DNAH5: variants seen among roughly 807,000 people sequenced by gnomAD.
DNAH5 encodes dynein axonemal heavy chain 5, also known as axonemal beta dynein heavy chain 5.
A neutral mutation model predicts 518.2 loss-of-function variants in DNAH5; 372 were observed. That is an observed-to-expected ratio of 0.72 (90% CI 0.66 to 0.78). The LOEUF (loss-of-function observed/expected upper bound fraction) is 0.78, where lower values mean the gene tolerates loss of function less well. Ranked by LOEUF, DNAH5 falls within the 30% of genes least tolerant of loss-of-function variation. DNAH5 has a pLI of 0.00. For missense variants in DNAH5, 5,523 were observed against 5,687.0 expected, an observed-to-expected ratio of 0.97 and a Z score of 0.93; for synonymous variants, 2,039 against 2,025.9, an observed-to-expected ratio of 1.01 and a Z score of -0.17.
chr5:13,766,744 A>G (rs1215219940), intron 58 of DNAH5, among the ~76,000 whole-genome samples: 1 of 152,252 alleles, frequency 6.6e-6, no homozygotes, highest in Non-Finnish European at 1.5e-5. Context: ...CTCTCTTAGA[A>G]AAGTTCCATT....
chr5:13,803,177 T>A (rs1352629329), intron 47 of DNAH5, among the ~76,000 whole-genome samples: 1 of 152,282 alleles, frequency 6.6e-6, no homozygotes, highest in East Asian at 1.9e-4. Context: ...ATATAAAATA[T>A]AATTAATTTT....
intron 15 of DNAH5, chr5:13,898,412 A>C (rs1405639401): frequency 5.0e-6 from 2 of 397,214 alleles, no homozygotes; most frequent in African/African-American, 2.1e-5. Context: ...GAGTTTCCTA[A>C]TGTGAAAGAG....
chr5:13,991,267 A>G (rs1783520577), intron 1 of DNAH5, among the ~76,000 whole-genome samples: 1 of 152,224 alleles, frequency 6.6e-6, no homozygotes, highest in South Asian at 2.1e-4. Flanking sequence ...CTCCTTCAAG[A>G]CCAGAGAGCT....
rs567393473 is a variant in DNAH5, at chr5:14,000,286, C to A, written c.12+11362G>T. 2.0e-5 allele frequency among the ~76,000 whole-genome samples: 3 copies of A among 152,270 alleles called. No homozygotes were observed. The East Asian group carries it at 5.8e-4, about 29-fold the overall frequency. The stretch of plus-strand genomic sequence containing the variant: ...GTGACTGGAGTGATGCAGCTAGGAG[C>A]AAAGGAACACCTGGGGCCGCCAGGA... On this transcript the variant is annotated intron_variant, in intron 1 of 78. Transcript: ENST00000681290.
intron 78 of DNAH5, among the ~76,000 whole-genome samples, chr5:13,696,456 G>C (rs1447476511): frequency 1.3e-5 from 2 of 152,036 alleles, no homozygotes; most frequent in African/African-American, 4.8e-5. Context: ...AAGTTTCAGG[G>C]TATATCACTC....
intron 5 of DNAH5, among the ~76,000 whole-genome samples, chr5:13,921,482 CACACACACACA>C (rs1777280531): frequency 2.6e-4 from 35 of 134,382 alleles, no homozygotes; most frequent in African/African-American, 8.3e-4. Context: ...CTCTCACACA[CACACACACACA>C]CACACACACA....
At chr5:13,761,569 G>A (rs1392824879) in intron 60 of DNAH5, among the ~76,000 whole-genome samples, 3 of 142,828 alleles carry the variant, frequency 2.1e-5, no homozygotes, top group African/African-American at 8.0e-5. Context: ...CTCCAGCCTG[G>A]GTGACAGAGA....
At chr5:13,989,579 G>A (rs975211508) in intron 1 of DNAH5, among the ~76,000 whole-genome samples, 12 of 151,384 alleles carry the variant, frequency 7.9e-5, no homozygotes, top group African/African-American at 2.9e-4. Context: ...TGCCTCCCGG[G>A]TTCACGCCGT....
chr5:13,916,458 G>A lies in DNAH5; in HGVS notation c.1090-3C>T, dbSNP rs1776653762. ...GGAATAGCATCCATCATGGATAGCT[G>A]AAAGATATCACCAAAGTTTTCAGAA... On this transcript the variant is annotated splice_region_variant and splice_polypyrimidine_tract_variant and intron_variant, in intron 8 of 78. Transcript: ENST00000265104. The A allele has an allele frequency of 6.7e-7, 1 of 1,486,996 alleles. No individual in the cohort carries two copies. Among genetic ancestry groups the A allele is most frequent in the Non-Finnish European group, 9.4e-7 (1 of 1,067,734 alleles). The allele number at this position is 1,486,996 out of a possible 1,614,324, so 92.1% of individuals were successfully genotyped here. A position where few individuals can be genotyped will look rare whatever the true frequency, so the allele number is the denominator to read the frequency against.
intron 1 of DNAH5, among the ~76,000 whole-genome samples, chr5:13,943,817 G>A (rs1048707603): frequency 5.9e-5 from 9 of 152,198 alleles, no homozygotes; most frequent in African/African-American, 1.4e-4. Flanking sequence ...TTCTTCTGAC[G>A]TTAATTGGCA....
intron 35 of DNAH5, among the ~76,000 whole-genome samples, chr5:13,836,523 G>A (rs1020421090): frequency 2.0e-5 from 3 of 152,172 alleles, no homozygotes; most frequent in Non-Finnish European, 2.9e-5. Flanking sequence ...TATCAAAAAG[G>A]AGAGAATGAT....
rs138932461 is a variant in DNAH5 at position 13,793,090 on chromosome 5, T to C, written c.8224+425A>G. 4.6e-5 allele frequency among the ~76,000 whole-genome samples: 7 copies of C among 152,342 alleles called. No individual in the cohort carries two copies. In the East Asian group the frequency reaches 1.3e-3, roughly 29 times the overall value. ...TTCAGACCGTGTCCAATCTGCGCTC[T>C]GGGTGCCATTATTTCTTTGGCCAAA... On this transcript the variant is annotated intron_variant, in intron 49 of 78. Transcript: ENST00000265104.
Position 13,864,599 on chromosome 5 carries a change from GC to G in DNAH5, c.4393del (p.Ala1465LeufsTer5). 6.2e-7 allele frequency: 1 copy of G among 1,614,100 alleles called. No individual in the cohort carries two copies. ...KLPRALKDWQAFLDLKKIIDD... is the reference protein window; with the variant it reads ...KLPRALKDWQXFLDLKKIIDD... ...AATGATCTTCTTCAGGTCCAAAAAA[GC>G]CTGCCAGTCCTTCAAGGCCCGGGGA... On this transcript the variant is annotated frameshift_variant, in exon 28 of 79. Transcript: ENST00000265104. LOFTEE classifies it high-confidence loss of function.
chr5:13,798,034 T>A (rs1758096944), intron 47 of DNAH5, among the ~76,000 whole-genome samples: 1 of 117,572 alleles, frequency 8.5e-6, no homozygotes, highest in African/African-American at 3.4e-5. Flanking sequence ...GCGAGGAACA[T>A]CACACACTGG....
intron 66 of DNAH5, 74 bp downstream of exon 66, chr5:13,737,178 C>A: frequency 6.3e-7 from 1 of 1,592,892 alleles, no homozygotes; most frequent in East Asian, 2.2e-5. Context: ...CCCTCACATC[C>A]TTCCATTTCT....
At chr5:13,883,357 C>T (rs1771941129) in intron 19 of DNAH5, among the ~76,000 whole-genome samples, 1 of 151,934 alleles carries the variant, frequency 6.6e-6, no homozygotes, top group Admixed American at 6.6e-5. Flanking sequence ...TGGGATCAGG[C>T]TAAATTATAA....
chr5:13,738,860 T>C (rs984026368), intron 65 of DNAH5, among the ~76,000 whole-genome samples: 1 of 152,200 alleles, frequency 6.6e-6, no homozygotes. Context: ...AAATGATACG[T>C]ACAAATTTAA....
intron 35 of DNAH5, among the ~76,000 whole-genome samples, chr5:13,835,058 G>C (rs1205819314): frequency 6.6e-6 from 1 of 152,106 alleles, no homozygotes; most frequent in African/African-American, 2.4e-5. Flanking sequence ...GCTGAGGAGG[G>C]CAGATCACCT....
chr5:13,737,317 T>A lies in DNAH5; in HGVS notation c.11390A>T (p.Gln3797Leu). The A allele has an allele frequency of 6.2e-7, 1 of 1,614,132 alleles. No individual in the cohort carries two copies. The highest frequency in any genetic ancestry group is 2.2e-5 in the East Asian group (1 of 44,876). The change falls in exon 66 of 79, where the codon CAG becomes CTG. Residue 3797 changes from glutamine to leucine, a missense_variant. Physicochemically the swap from Gln to Leu is moderately radical, Grantham distance 113. Around this residue, in one of 3 missense-constraint regions of DNAH5, gnomAD observed 5,121 missense variants for 5,223.3 expected, o/e 0.98. Transcript: ENST00000265104. The part of the protein sequence containing the change: ...NTKRTAEEVT[Q>L]KLEISAETEV... ...TGTCTCAGCAGAAATTTCTAGCTTC[T>A]GTGTCACCTCCTCGGCTGTCCTTTT...
Sources: allele counts gnomAD v4.1 joint callset (sites outside exome capture counted in the v4.1 genomes callset), GRCh38; gene constraint gnomAD v4.1.1; regional missense constraint gnomAD v4.1.1; transcripts MANE v1.5; gene names NCBI Gene and HGNC (gene_info 2026-07-23, HGNC 2026-07-21).